Variants in PLEKHG4B observed in about 807,000 individuals in gnomAD.
PLEKHG4B encodes the protein pleckstrin homology domain-containing family G member 4B.
A neutral mutation model predicts 121.3 loss-of-function variants in PLEKHG4B; 111 were observed. That is an observed-to-expected ratio of 0.92 (90% CI 0.78 to 1.07). The LOEUF (loss-of-function observed/expected upper bound fraction) is 1.07. Ranked by LOEUF, PLEKHG4B falls within the 50% of genes least tolerant of loss-of-function variation. The pLI is 0.00. For synonymous variants in PLEKHG4B, 738 were observed against 725.0 expected (o/e 1.02, Z -0.29); for missense variants, 1,831 against 1,757.8 (o/e 1.04, Z -0.74).
intron 2 of PLEKHG4B, among the ~76,000 whole-genome samples, chr5:134,985 C>T (rs1353526810): frequency 3.3e-5 from 5 of 151,732 alleles, no homozygotes; most frequent in African/African-American, 2.4e-5. Flanking sequence ...GTCAGGAGAT[C>T]GAGACCATCC....
intron 1 of PLEKHG4B, among the ~76,000 whole-genome samples, chr5:94,116 C>T (rs185151870): frequency 1.3e-5 from 2 of 152,374 alleles, no homozygotes; most frequent in East Asian, 1.9e-4. Flanking sequence ...CAGCATCTCA[C>T]TGCCAAGAAG....
rs140551039 is a variant in PLEKHG4B, at chr5:168,865, C to CTTTT, written c.3477-457_3477-454dup. On this transcript the variant is annotated intron_variant, in intron 13 of 19. Coordinates refer to ENST00000637938, the MANE Select transcript of PLEKHG4B (RefSeq NM_052909.5). ...ATGTGCAGTAGACTGGAAGATTATTCTTTTTTTTTTTTTTTTTTTTTGAGA... is the reference window on the plus strand; with the variant it reads ...ATGTGCAGTAGACTGGAAGATTATTCTTTTTTTTTTTTTTTTTTTTTTTTTGAGA... 9.0e-5 allele frequency among the ~76,000 whole-genome samples: 9 copies of CTTTT among 100,412 alleles called. No individual in the cohort carries two copies. The East Asian group carries it at 9.8e-4, about 11-fold the overall frequency. The allele number at this position is 100,412 out of a possible 152,430, so 65.9% of individuals were successfully genotyped here.
In PLEKHG4B at chr5:187,231, C is replaced by G. The variant is rs1560964474; in HGVS notation, c.*4908C>G. ...ACCGGGCAGGTACAGATGTCATCCC[C>G]TTGAGGACAGCAGGGAGGCGACTCA... On this transcript the variant is annotated 3_prime_UTR_variant, in exon 20 of 20. Transcript: ENST00000637938. 1 of 152,346 alleles carries G rather than the reference C, an allele frequency of 6.6e-6. No homozygotes were observed. The highest frequency in any genetic ancestry group is 6.5e-5 in the Admixed American group (1 of 15,286). 9.4% of individuals were successfully genotyped at this position (152,346 alleles called of 1,614,324 possible).
At chr5:117,359 G>A (rs1734335045) in intron 2 of PLEKHG4B, among the ~76,000 whole-genome samples, 1 of 152,078 alleles carries the variant, frequency 6.6e-6, no homozygotes, top group African/African-American at 2.4e-5. Context: ...ATGTGGTTGG[G>A]AAATCATTAT....
chr5:182,404 G>A lies in PLEKHG4B; in HGVS notation c.*81G>A. 1 of 1,415,066 alleles carries A rather than the reference G, an allele frequency of 7.1e-7. No individual in the cohort carries two copies. Among genetic ancestry groups the A allele is most frequent in the Non-Finnish European group, 9.5e-7 (1 of 1,054,164 alleles). The allele number at this position is 1,415,066 out of a possible 1,614,324, so 87.7% of individuals were successfully genotyped here. ...CACGCCAGGCCTGATGACTCTGGGGGTGGCGGTGCCCATCGCGTGGCTGGA... is the reference window on the plus strand; with the variant it reads ...CACGCCAGGCCTGATGACTCTGGGGATGGCGGTGCCCATCGCGTGGCTGGA... On this transcript the variant is annotated 3_prime_UTR_variant, in exon 20 of 20. Coordinates refer to ENST00000637938, the MANE Select transcript of PLEKHG4B (RefSeq NM_052909.5).
chr5:136,018 C>T lies in PLEKHG4B; in HGVS notation c.244-3465C>T, dbSNP rs373997345. 2.4e-4 allele frequency among the ~76,000 whole-genome samples: 36 copies of T among 151,992 alleles called. No individual in the cohort carries two copies. The East Asian group carries it at 3.9e-3, about 16-fold the overall frequency. ...TAGAGAGCCCAGTAATGAACCCTCA[C>T]GTATATGGCTAAGTGATGTTCTACA... is the stretch of plus-strand genomic sequence containing the variant. On this transcript the variant is annotated intron_variant, in intron 2 of 19. Transcript: ENST00000637938.
chr5:134,367 T>C (rs1734885242), intron 2 of PLEKHG4B, among the ~76,000 whole-genome samples: 1 of 151,718 alleles, frequency 6.6e-6, no homozygotes, highest in Non-Finnish European at 1.5e-5. Flanking sequence ...ACACATTGGG[T>C]GCACCCTCCA....
chr5:162,859 G>C lies in PLEKHG4B; in HGVS notation c.2787G>C (p.Lys929Asn), dbSNP rs776192764. The change falls in exon 13 of 20, where the codon AAG becomes AAC. Residue 929 changes from lysine (K) to asparagine (N), a missense_variant. Lys to Asn is a moderately conservative substitution (Grantham distance 94). Coordinates refer to ENST00000637938, the MANE Select transcript of PLEKHG4B (RefSeq NM_052909.5). ...AFPGAGVAVL[K>N]PHALGKPWAS... ...CCGGGGCAGGTGTGGCAGTGCTGAA[G>C]CCTCATGCCCTGGGGAAACCGTGGG... is the stretch of plus-strand genomic sequence containing the variant. 5.3e-6 allele frequency: 8 copies of C among 1,518,092 alleles called. No individual in the cohort carries two copies. Among genetic ancestry groups the C allele is most frequent in the Admixed American group, 4.3e-5 (2 of 46,506 alleles). 94.0% of individuals were successfully genotyped at this position (1,518,092 alleles called of 1,614,324 possible). A position where few individuals can be genotyped will look rare whatever the true frequency, so the allele number is the denominator to read the frequency against.
rs769383681 is a variant in PLEKHG4B, at chr5:163,454, C to CAT, written c.3383_3384dup (p.Ala1129MetfsTer35). On this transcript the variant is annotated frameshift_variant, in exon 13 of 20. Transcript: ENST00000637938. LOFTEE classifies it high-confidence loss of function. ...AGAGAAGAAGCTCCCGCTGTGGCAGCATGCCAGGAGCCCCCCGGTCACTCA... is the reference window on the plus strand; with the variant it reads ...AGAGAAGAAGCTCCCGCTGTGGCAGCATATGCCAGGAGCCCCCCGGTCACTCA... The CAT allele has an allele frequency of 6.2e-7, 1 of 1,612,946 alleles. No individual in the cohort carries two copies.
chr5:119,730 A>C (rs909302670), intron 2 of PLEKHG4B, among the ~76,000 whole-genome samples: 1 of 152,150 alleles, frequency 6.6e-6, no homozygotes, highest in Non-Finnish European at 1.5e-5. Flanking sequence ...AGGCTGGAGG[A>C]GGATGGAGAG....
Position 163,197 on chromosome 5 carries a change from G to T in PLEKHG4B, c.3125G>T (p.Gly1042Val). The T allele has an allele frequency of 6.3e-7, 1 of 1,586,828 alleles. No homozygotes were observed. Among genetic ancestry groups the T allele is most frequent in the Non-Finnish European group, 8.6e-7 (1 of 1,167,514 alleles). ...ALWDPLSLLR[G>V]LPGAGATTAH... ...TGGGACCCACTGTCCCTCCTCAGGG[G>T]CCTTCCAGGGGCAGGGGCCACCACG... The change falls in exon 13 of 20, where the codon GGC becomes GTC. Residue 1042 changes from glycine (G) to valine (V), a missense_variant. By Grantham distance (109) the Gly-to-Val change is moderately radical. Transcript: ENST00000637938.
chr5:176,911 T>G (rs2126463072), intron 18 of PLEKHG4B, among the ~76,000 whole-genome samples: 1 of 152,336 alleles, frequency 6.6e-6, no homozygotes, highest in East Asian at 1.9e-4. Flanking sequence ...CTGACCAACC[T>G]CTGCAGGTAC....
At position 171,214 on chromosome 5, in the gene PLEKHG4B, G is replaced by A; in HGVS notation, c.3820G>A (p.Asp1274Asn). 1 of 1,604,512 alleles carries A rather than the reference G, an allele frequency of 6.2e-7. No homozygotes were observed. Among genetic ancestry groups the A allele is most frequent in the South Asian group, 1.1e-5 (1 of 90,490 alleles). Reference protein sequence around the residue: ...LSSHGNAFFKDKQRELGDKMD... With the variant: ...LSSHGNAFFKNKQRELGDKMD... ...TGACCCTCTCACCCGGCCCTTGCAG[G>A]ACAAGCAGCGGGAGCTAGGTGACAA... The change falls in exon 16 of 20, where the codon GAC (aspartate) becomes AAC (asparagine). Residue 1274 changes from aspartate (D) to asparagine (N), a missense_variant and splice_region_variant. Asp to Asn is a conservative substitution (Grantham distance 23). Coordinates refer to ENST00000637938, the MANE Select transcript of PLEKHG4B (RefSeq NM_052909.5).
At chr5:127,953 A>G (rs539676582) in intron 2 of PLEKHG4B, among the ~76,000 whole-genome samples, 1 of 152,344 alleles carries the variant, frequency 6.6e-6, no homozygotes, top group South Asian at 2.1e-4. Context: ...GATTTGGTGA[A>G]TTTAAACATT....
intron 1 of PLEKHG4B, among the ~76,000 whole-genome samples, chr5:106,708 G>A (rs1733983672): frequency 6.6e-6 from 1 of 152,232 alleles, no homozygotes; most frequent in Non-Finnish European, 1.5e-5. Context: ...AGCAGACGTA[G>A]GTGTTGACGT....
rs750593537 is a variant in PLEKHG4B at position 169,322 on chromosome 5, G to C, written c.3477-18G>C. On this transcript the variant is annotated intron_variant, in intron 13 of 19. Transcript: ENST00000637938. ...CCGTGGGGGGCCGTGTGCCCCCCGGGATCTCTGTGTCTTCCAGCAGCCGAC... is the reference window on the plus strand; with the variant it reads ...CCGTGGGGGGCCGTGTGCCCCCCGGCATCTCTGTGTCTTCCAGCAGCCGAC... 5.0e-6 allele frequency: 8 copies of C among 1,612,844 alleles called. No individual in the cohort carries two copies. The highest frequency in any genetic ancestry group is 1.1e-5 in the South Asian group (1 of 91,054).
chr5:147,452 C>T (rs1442051069), intron 6 of PLEKHG4B, among the ~76,000 whole-genome samples: 1 of 152,166 alleles, frequency 6.6e-6, no homozygotes, highest in Non-Finnish European at 1.5e-5. Flanking sequence ...CAGAGCTGAC[C>T]AGAGGTTACC....
chr5:132,879 C>G (rs1734819693), intron 2 of PLEKHG4B, among the ~76,000 whole-genome samples: 1 of 152,018 alleles, frequency 6.6e-6, no homozygotes, highest in Admixed American at 6.6e-5. Flanking sequence ...TGTGTGGGGT[C>G]TTTTTTGGTT....
At chr5:98,624 T>C (rs1401429306) in intron 1 of PLEKHG4B, among the ~76,000 whole-genome samples, 4 of 145,026 alleles carry the variant, frequency 2.8e-5, no homozygotes, top group African/African-American at 1.0e-4. Context: ...TGTGTGTGTG[T>C]GTGTGTGTGT....
Sources: gnomAD v4.1 joint callset for allele counts (sites outside exome capture counted in the v4.1 genomes callset) on GRCh38, gnomAD v4.1.1 for gene constraint, MANE v1.5 for transcripts, NCBI Gene and HGNC (gene_info 2026-07-23, HGNC 2026-07-21) for gene names.